Variants in TLN2 observed in about 807,000 individuals in gnomAD.
The protein encoded by TLN2 is talin 2, also known as talin-2.
TLN2 carries 118 observed loss-of-function variants against 294.7 expected under a neutral mutation model. That is an observed-to-expected ratio of 0.40 (90% CI 0.34 to 0.47). The LOEUF is 0.47. Ranked by LOEUF, TLN2 falls within the 20% of genes least tolerant of loss-of-function variation. TLN2 has a pLI of 0.84. For missense variants in TLN2, 3,083 were observed against 3,282.2 expected, an observed-to-expected ratio of 0.94 and a Z score of 1.48; for synonymous variants, 1,431 against 1,304.5, an observed-to-expected ratio of 1.10 and a Z score of -2.09.
intron 3 of TLN2, among the ~76,000 whole-genome samples, chr15:62,626,653 C>G (rs1384511974): frequency 6.6e-6 from 1 of 152,222 alleles, no homozygotes; most frequent in Non-Finnish European, 1.5e-5. Context: ...GAAGGCCACT[C>G]TGACATCACC....
intron 52 of TLN2, among the ~76,000 whole-genome samples, chr15:62,818,368 A>G (rs2067282283): frequency 6.6e-6 from 1 of 152,206 alleles, no homozygotes; most frequent in Admixed American, 6.5e-5. Context: ...GATAACAGAA[A>G]AGAGCACTGG....
intron 46 of TLN2, among the ~76,000 whole-genome samples, chr15:62,794,595 G>T (rs1343468468): frequency 6.6e-6 from 1 of 152,184 alleles, no homozygotes; most frequent in South Asian, 2.1e-4. Context: ...CCAGAACCTG[G>T]ATACCTCATT....
rs1210739053 is a variant in TLN2, at chr15:62,833,591, G to A, written c.7090G>A (p.Ala2364Thr). Residue 2364 changes from alanine (A) to threonine (T), a missense_variant, in exon 55 of 59, where the codon GCC becomes ACC. Physicochemically the swap from Ala to Thr is moderately conservative, Grantham distance 58. Transcript: ENST00000636159. ...TGCCACAAGCGCCCTGGTCAAATCGGCCTCAGCAGCCCAGAGGGAGCTGGT... is the reference window on the plus strand; with the variant it reads ...TGCCACAAGCGCCCTGGTCAAATCGACCTCAGCAGCCCAGAGGGAGCTGGT... ...AAATSALVKS[A>T]SAAQRELVAQ... 6.2e-7 allele frequency: 1 copy of A among 1,614,140 alleles called. No homozygotes were observed. Among genetic ancestry groups the A allele is most frequent in the East Asian group, 2.2e-5 (1 of 44,884 alleles).
intron 27 of TLN2, 36 bp downstream of exon 27, chr15:62,725,140 C>A (rs2060367096): frequency 6.3e-7 from 1 of 1,580,930 alleles, no homozygotes; most frequent in Admixed American, 1.8e-5. Flanking sequence ...GCGGGTGTAC[C>A]TTTTGTTATG....
chr15:62,716,602 T>C (rs2059788311), intron 23 of TLN2, 143 bp downstream of exon 23: 4 of 1,162,668 alleles, frequency 3.4e-6, no homozygotes, highest in Admixed American at 3.6e-5. Flanking sequence ...TTGAGTACTA[T>C]AAAAGCATTG....
chr15:62,449,370 C>G (rs1382754322), intron 1 of TLN2, among the ~76,000 whole-genome samples: 1 of 152,166 alleles, frequency 6.6e-6, no homozygotes, highest in African/African-American at 2.4e-5. Context: ...GTTCCTCTCT[C>G]CTCTGCTAAG....
intron 47 of TLN2, 35 bp downstream of exon 47, chr15:62,796,328 C>A: frequency 6.3e-7 from 1 of 1,579,584 alleles, no homozygotes; most frequent in Non-Finnish European, 8.6e-7. Flanking sequence ...GAGGTTCAGG[C>A]TGGCCTGCCC....
At chr15:62,608,614 A>C (rs2047648541) in intron 2 of TLN2, among the ~76,000 whole-genome samples, 1 of 152,196 alleles carries the variant, frequency 6.6e-6, no homozygotes. Flanking sequence ...TTGTGAAGTT[A>C]CTGAGATCAG....
chr15:62,797,449 C>T (rs145685866), intron 48 of TLN2, 47 bp downstream of exon 48: 27 of 1,524,510 alleles, frequency 1.8e-5, no homozygotes, highest in South Asian at 2.5e-5. Context: ...TTCCCGTGAA[C>T]GCTGCACATC....
At chr15:62,527,449 G>A (rs1259767233) in intron 1 of TLN2, among the ~76,000 whole-genome samples, 1 of 152,194 alleles carries the variant, frequency 6.6e-6, no homozygotes. Context: ...ATCACCCGCT[G>A]TTGGGTGGAG....
intron 1 of TLN2, among the ~76,000 whole-genome samples, chr15:62,395,124 C>T (rs2032427584): frequency 1.3e-5 from 2 of 149,040 alleles, no homozygotes; most frequent in South Asian, 4.3e-4. Context: ...TTACCATGTA[C>T]TTTATGCTGA....
Position 62,819,492 on chromosome 15 carries a change from CTCTGACTTGT to C in TLN2, c.6772-20_6772-11del. The C allele has an allele frequency of 6.3e-7, 1 of 1,597,274 alleles. No homozygotes were observed. The highest frequency in any genetic ancestry group is 8.6e-7 in the Non-Finnish European group (1 of 1,164,748). Reference sequence around the variant, plus strand: ...CCAGTGGTTACTATCCCCCTCATGCCTCTGACTTGTTCTTCACCTGTAGATTCTTCAGAAA... The same window carrying C: ...CCAGTGGTTACTATCCCCCTCATGCCTCTTCACCTGTAGATTCTTCAGAAA... On this transcript the variant is annotated splice_polypyrimidine_tract_variant and intron_variant, in intron 52 of 58. Transcript: ENST00000636159.
chr15:62,537,948 G>A (rs958590486), intron 1 of TLN2, among the ~76,000 whole-genome samples: 1 of 152,184 alleles, frequency 6.6e-6, no homozygotes, highest in African/African-American at 2.4e-5. Flanking sequence ...TTGGCTGGTC[G>A]TGGTGGCTCA....
rs2041173319 is a variant in TLN2 at position 62,533,586 on chromosome 15, T to C, written c.-237-56101T>C. Among the ~76,000 whole-genome samples the C allele has an allele frequency of 2.0e-5, 3 of 152,198 alleles. No individual in the cohort carries two copies. The South Asian group carries it at 6.2e-4, about 32-fold the overall frequency. On this transcript the variant is annotated intron_variant, in intron 1 of 58. Coordinates refer to ENST00000636159, the MANE Select transcript of TLN2 (RefSeq NM_015059.3). ...GACAGACACTAAGAGGATTAGCTGC[T>C]TTTTGTTCTGAGAGTAATTGTATTT...
At chr15:62,482,907 C>G (rs1283332893) in intron 1 of TLN2, among the ~76,000 whole-genome samples, 1 of 152,282 alleles carries the variant, frequency 6.6e-6, no homozygotes, top group East Asian at 1.9e-4. Context: ...TTCTGCATCC[C>G]TCCTGTTCTT....
chr15:62,439,388 C>A (rs181866546), intron 1 of TLN2, among the ~76,000 whole-genome samples: 1 of 152,276 alleles, frequency 6.6e-6, no homozygotes, highest in East Asian at 1.9e-4. Flanking sequence ...TCTCAGCTCA[C>A]TGCACCCTCC....
chr15:62,762,055 A>C (rs1337016882), intron 38 of TLN2, among the ~76,000 whole-genome samples: 5 of 152,124 alleles, frequency 3.3e-5, no homozygotes, highest in Non-Finnish European at 7.3e-5. Flanking sequence ...GATTCTTGGG[A>C]TGTGTCACAC....
In TLN2 at chr15:62,840,630, G is replaced by A. The variant is rs540823452; in HGVS notation, c.*20G>A. Reference sequence around the variant, plus strand: ...GGCTAAAGGTGCGAGCCCAGATGGCGAGCCCCAGGGGATGGCCCTGGCTGA... The same window carrying A: ...GGCTAAAGGTGCGAGCCCAGATGGCAAGCCCCAGGGGATGGCCCTGGCTGA... On this transcript the variant is annotated 3_prime_UTR_variant, in exon 59 of 59. Coordinates refer to ENST00000636159, the MANE Select transcript of TLN2 (RefSeq NM_015059.3). The A allele has an allele frequency of 6.2e-6, 10 of 1,611,404 alleles. No homozygotes were observed. Among genetic ancestry groups the A allele is most frequent in the African/African-American group, 4.0e-5 (3 of 74,864 alleles).
chr15:62,835,541 A>C, intron 55 of TLN2, 196 bp from the exon 56 acceptor site: 1 of 616,490 alleles, frequency 1.6e-6, no homozygotes, highest in Non-Finnish European at 2.9e-6. Context: ...GAAACCTGCC[A>C]GGATGTGCTG....
Sources: allele counts gnomAD v4.1 joint callset (sites outside exome capture counted in the v4.1 genomes callset), GRCh38; gene constraint gnomAD v4.1.1; transcripts MANE v1.5; gene names NCBI Gene and HGNC (gene_info 2026-07-23, HGNC 2026-07-21).